Variants in PLEKHA5 observed in about 807,000 individuals in gnomAD.
The protein encoded by PLEKHA5 is pleckstrin homology domain-containing family A member 5.
A neutral mutation model predicts 181.9 loss-of-function variants in PLEKHA5; 55 were observed. The observed-to-expected ratio is 0.30, with a 90% confidence interval of 0.24 to 0.38. PLEKHA5 has a LOEUF of 0.38. Among genes scored for constraint, PLEKHA5 ranks in the 10% least tolerant of loss-of-function variants. The pLI, the probability that PLEKHA5 is intolerant of heterozygous loss-of-function variation, is 1.00. For missense variants in PLEKHA5, 1,432 were observed against 1,549.5 expected (o/e 0.92, Z 1.27); for synonymous variants, 535 against 529.4 (o/e 1.01, Z -0.15).
chr12:19,334,860 A>ATATT (rs1323082426), intron 20 of PLEKHA5, among the ~76,000 whole-genome samples: 1 of 63,680 alleles, frequency 1.6e-5, no homozygotes, highest in African/African-American at 4.7e-5. Flanking sequence ...ATATATATAT[A>ATATT]TATATATATC....
chr12:19,255,074 A>C lies in PLEKHA5; in HGVS notation c.341A>C (p.Lys114Thr). 6.2e-7 allele frequency: 1 copy of C among 1,610,254 alleles called. No individual in the cohort carries two copies. Among genetic ancestry groups the C allele is most frequent in the South Asian group, 1.1e-5 (1 of 90,670 alleles). ...QTVATMTSEE[K>T]KERPISMINE... ...GTTGCAACCATGACATCTGAAGAAAAGAAGGAACGGCCAATAAGTATGATA... is the reference window on the plus strand; with the variant it reads ...GTTGCAACCATGACATCTGAAGAAACGAAGGAACGGCCAATAAGTATGATA... Residue 114 changes from lysine (K) to threonine (T), a missense_variant, in exon 5 of 32, where the codon AAG becomes ACG. This residue lies in a region of PLEKHA5 where 289 missense variants were observed against 381.1 expected (regional missense o/e 0.76). Coordinates refer to ENST00000429027, the MANE Select transcript of PLEKHA5 (RefSeq NM_001256470.2).
At chr12:19,358,878 T>C (rs1288734159) in intron 27 of PLEKHA5, among the ~76,000 whole-genome samples, 6 of 152,206 alleles carry the variant, frequency 3.9e-5, no homozygotes, top group African/African-American at 4.8e-5. Flanking sequence ...AAGTTCCAAG[T>C]GTGCTGTCCA....
intron 3 of PLEKHA5, among the ~76,000 whole-genome samples, chr12:19,222,079 A>G (rs1357728939): frequency 6.6e-6 from 1 of 152,116 alleles, no homozygotes; most frequent in Admixed American, 6.6e-5. Context: ...CAGCCTGAGC[A>G]ACATAACGAG....
chr12:19,363,337 T>A (rs189035370), intron 29 of PLEKHA5, among the ~76,000 whole-genome samples: 31 of 151,730 alleles, frequency 2.0e-4, no homozygotes, highest in Non-Finnish European at 3.7e-4. Flanking sequence ...TTTTTATTTT[T>A]TTTTTTATTT....
chr12:19,365,623 C>A (rs1440374708), intron 29 of PLEKHA5, among the ~76,000 whole-genome samples: 1 of 152,060 alleles, frequency 6.6e-6, no homozygotes, highest in Non-Finnish European at 1.5e-5. Flanking sequence ...AAAATTTAAG[C>A]ACTGACTGGA....
At chr12:19,290,899 A>C in intron 14 of PLEKHA5, 103 bp downstream of exon 14, 1 of 992,018 alleles carries the variant, frequency 1.0e-6, no homozygotes, top group Non-Finnish European at 1.4e-6. Context: ...GCATGAGCCC[A>C]TACCATCATT....
chr12:19,284,197 T>C (rs753117183), intron 12 of PLEKHA5, among the ~76,000 whole-genome samples: 3 of 152,048 alleles, frequency 2.0e-5, no homozygotes, highest in Non-Finnish European at 2.9e-5. Context: ...GCCTCCCGAG[T>C]AGCTGGGATT....
chr12:19,142,355 C>T (rs569586511), intron 3 of PLEKHA5, among the ~76,000 whole-genome samples: 6 of 152,096 alleles, frequency 3.9e-5, no homozygotes, highest in South Asian at 2.1e-4. Flanking sequence ...GGCAACTGAG[C>T]GAGACCCCAT....
chr12:19,182,765 T>C (rs1249270683), intron 3 of PLEKHA5, among the ~76,000 whole-genome samples: 1 of 152,178 alleles, frequency 6.6e-6, no homozygotes, highest in African/African-American at 2.4e-5. Flanking sequence ...CCAACAAGTA[T>C]AATATTAGAA....
intron 25 of PLEKHA5, among the ~76,000 whole-genome samples, chr12:19,352,225 A>G (rs2094635073): frequency 6.6e-6 from 1 of 151,826 alleles, no homozygotes; most frequent in East Asian, 1.9e-4. Context: ...CTGTCTCTAC[A>G]AAAAAATAAA....
At chr12:19,131,967 T>C (rs889930239) in intron 2 of PLEKHA5, among the ~76,000 whole-genome samples, 6 of 152,224 alleles carry the variant, frequency 3.9e-5, no homozygotes, top group African/African-American at 1.4e-4. Flanking sequence ...ACTTCCTAGA[T>C]GGATTCATTT....
intron 3 of PLEKHA5, among the ~76,000 whole-genome samples, chr12:19,138,850 G>C (rs934019618): frequency 5.3e-5 from 8 of 152,132 alleles, no homozygotes; most frequent in Non-Finnish European, 7.3e-5. Context: ...TGGGAGGTGA[G>C]TCTAGGAATG....
chr12:19,223,000 C>CTTTTTTTTTTT (rs62719560), intron 3 of PLEKHA5, among the ~76,000 whole-genome samples: 3 of 128,928 alleles, frequency 2.3e-5, no homozygotes. Context: ...GAAATTTTGT[C>CTTTTTTTTTTT]TTTTTTTTTT....
chr12:19,355,152 TC>T (rs1011088143), intron 26 of PLEKHA5, among the ~76,000 whole-genome samples: 56 of 152,224 alleles, frequency 3.7e-4, no homozygotes, highest in African/African-American at 1.1e-3. Context: ...TAATTCAAAC[TC>T]CAAACCAGTC....
rs537970554 is a variant in PLEKHA5 at position 19,205,941 on chromosome 12, C to T, written c.228-47999C>T. 2.0e-5 allele frequency among the ~76,000 whole-genome samples: 3 copies of T among 151,846 alleles called. No individual in the cohort carries two copies. In the South Asian group the frequency reaches 6.3e-4, roughly 32 times the overall value. ...TATGTACACATATTATTAAAAAGGT[C>T]GTTTAAAAATGAAAGTTTGCTGTGT... On this transcript the variant is annotated intron_variant, in intron 3 of 31. Coordinates refer to ENST00000429027, the MANE Select transcript of PLEKHA5 (RefSeq NM_001256470.2).
intron 21 of PLEKHA5, among the ~76,000 whole-genome samples, chr12:19,338,510 G>A (rs1384630434): frequency 6.6e-6 from 1 of 152,060 alleles, no homozygotes; most frequent in Non-Finnish European, 1.5e-5. Flanking sequence ...GGAAGGCTGA[G>A]GCAGGAGAAT....
rs34375689 is a variant in PLEKHA5 at position 19,162,573 on chromosome 12, T to TA, written c.227+30137dup. On this transcript the variant is annotated intron_variant, in intron 3 of 31. Coordinates refer to ENST00000429027, the MANE Select transcript of PLEKHA5 (RefSeq NM_001256470.2). ...AATGAAATCAGAAGTAAGTTAGCTTTAAAAAAAAAAAAAAGAGTTGGGGGC... is the reference window on the plus strand; with the variant it reads ...AATGAAATCAGAAGTAAGTTAGCTTTAAAAAAAAAAAAAAAGAGTTGGGGGC... 8.1e-3 allele frequency among the ~76,000 whole-genome samples: 1,193 copies of TA among 146,468 alleles called. 11 individuals carry two copies. Among genetic ancestry groups the TA allele is most frequent in the African/African-American group, 0.028 (1,095 of 39,534 alleles).
intron 3 of PLEKHA5, among the ~76,000 whole-genome samples, chr12:19,160,327 C>T (rs1174706821): frequency 6.6e-6 from 1 of 151,840 alleles, no homozygotes; most frequent in Non-Finnish European, 1.5e-5. Context: ...GAAATTATAC[C>T]TTGGGTCATA....
At chr12:19,278,579 C>T (rs757599739) in intron 11 of PLEKHA5, among the ~76,000 whole-genome samples, 2 of 152,100 alleles carry the variant, frequency 1.3e-5, no homozygotes, top group Non-Finnish European at 2.9e-5. Context: ...AGTACTAGGG[C>T]AGTCTCTTTG....
Sources: allele counts gnomAD v4.1 joint callset (sites outside exome capture counted in the v4.1 genomes callset), GRCh38; gene constraint gnomAD v4.1.1; regional missense constraint gnomAD v4.1.1; transcripts MANE v1.5; gene names NCBI Gene and HGNC (gene_info 2026-07-23, HGNC 2026-07-21).